LRP5: variants seen among roughly 807,000 people sequenced by gnomAD.
The protein encoded by LRP5 is LDL receptor related protein 5.
Under a neutral mutation model 154.1 loss-of-function variants are expected in LRP5, and 62 were observed. That is an observed-to-expected ratio of 0.40 (90% CI 0.33 to 0.50). The LOEUF is 0.50. Ranked by LOEUF, LRP5 falls within the 20% of genes least tolerant of loss-of-function variation. The probability of loss-of-function intolerance (pLI) is 0.55; values close to 1 mark genes in which losing one functional copy is unlikely to be tolerated. For synonymous variants in LRP5, 966 were observed against 1,011.5 expected, an observed-to-expected ratio of 0.96 and a Z score of 0.85; for missense variants, 1,915 against 2,336.7, an observed-to-expected ratio of 0.82 and a Z score of 3.72.
chr11:68,403,940 G>A, intron 8 of LRP5: 1 of 590,814 alleles, frequency 1.7e-6, no homozygotes, highest in Non-Finnish European at 3.0e-6. Context: ...AACATTTGTT[G>A]AGCACCTGCT....
chr11:68,333,657 T>C (rs185568317), intron 1 of LRP5, among the ~76,000 whole-genome samples: 3 of 152,342 alleles, frequency 2.0e-5, no homozygotes, highest in Admixed American at 6.5e-5. Context: ...TGTTGCAGAC[T>C]CCGTTATAGT....
intron 1 of LRP5, among the ~76,000 whole-genome samples, chr11:68,325,363 C>G (rs1238265893): frequency 6.6e-6 from 1 of 152,160 alleles, no homozygotes; most frequent in Non-Finnish European, 1.5e-5. Context: ...GAGGGATGCA[C>G]TCAGTCGAAG....
At chr11:68,332,404 A>C (rs1565322700) in intron 1 of LRP5, among the ~76,000 whole-genome samples, 1 of 152,206 alleles carries the variant, frequency 6.6e-6, no homozygotes, top group Non-Finnish European at 1.5e-5. Context: ...CTCTGCAGGC[A>C]GCCCTGCTCT....
chr11:68,382,601 G>A (rs2098640855), intron 5 of LRP5, among the ~76,000 whole-genome samples: 1 of 152,210 alleles, frequency 6.6e-6, no homozygotes, highest in Non-Finnish European at 1.5e-5. Context: ...TTCCCTAGCA[G>A]CGGGTCCAGG....
At chr11:68,341,887 T>C (rs1438295879) in intron 1 of LRP5, among the ~76,000 whole-genome samples, 1 of 152,174 alleles carries the variant, frequency 6.6e-6, no homozygotes, top group Non-Finnish European at 1.5e-5. Flanking sequence ...GCTTGTTTAT[T>C]ACCACCCACG....
At chr11:68,424,816 A>G (rs756520853) in intron 14 of LRP5, among the ~76,000 whole-genome samples, 18 of 152,216 alleles carry the variant, frequency 1.2e-4, no homozygotes, top group Admixed American at 1.2e-3. Flanking sequence ...GTACCATTGA[A>G]GGACACTTCA....
intron 5 of LRP5, among the ~76,000 whole-genome samples, chr11:68,377,464 C>A (rs1358696282): frequency 9.2e-5 from 14 of 152,224 alleles, no homozygotes; most frequent in Admixed American, 9.2e-4. Context: ...GCAGAGCCAG[C>A]ATCGGGCCCA....
In LRP5 at chr11:68,363,921, G is replaced by T; in HGVS notation, c.861G>T (p.Leu287=). 1 of 1,611,304 alleles carries T rather than the reference G, an allele frequency of 6.2e-7. No homozygotes were observed. The highest frequency in any genetic ancestry group is 2.2e-5 in the East Asian group (1 of 44,730). The change falls in exon 4 of 23, where the codon CTG becomes CTT. Residue 287 remains leucine (L), a synonymous_variant. Coordinates refer to ENST00000294304, the MANE Select transcript of LRP5 (RefSeq NM_002335.4). ...ALYSPMDIQV[L]SQERQPFFHT... is the part of the protein sequence containing the mutation. Reference sequence around the variant, plus strand: ...ACTCACCCATGGACATCCAGGTGCTGAGCCAGGAGCGGCAGCCTTTCTGTG... The same window carrying T: ...ACTCACCCATGGACATCCAGGTGCTTAGCCAGGAGCGGCAGCCTTTCTGTG...
At chr11:68,384,823 G>C (rs1159866359) in intron 5 of LRP5, among the ~76,000 whole-genome samples, 3 of 152,318 alleles carry the variant, frequency 2.0e-5, no homozygotes, top group Admixed American at 1.3e-4. Flanking sequence ...ATGGCTGAAA[G>C]GTTGGGGGGT....
At chr11:68,303,660 AT>A in the LRP5 span, among the ~76,000 whole-genome samples, 1 of 151,966 alleles carries the variant, frequency 6.6e-6, no homozygotes, top group Non-Finnish European at 1.5e-5. Flanking sequence ...CACCAAGCTA[AT>A]TTTTTTGTAT....
At chr11:68,404,058 C>CA in intron 8 of LRP5, 1 of 443,120 alleles carries the variant, frequency 2.3e-6, no homozygotes, top group Non-Finnish European at 4.2e-6. Flanking sequence ...CCGTGCAACT[C>CA]ACAGGTGCCA....
upstream of LRP5, among the ~76,000 whole-genome samples, chr11:68,307,984 C>A (rs2098584924): frequency 1.3e-5 from 2 of 152,236 alleles, no homozygotes; most frequent in South Asian, 4.1e-4. Flanking sequence ...GTCCTTCACA[C>A]CCCAGCTGGC....
At chr11:68,395,161 C>T (rs762189955) in intron 7 of LRP5, among the ~76,000 whole-genome samples, 4 of 152,100 alleles carry the variant, frequency 2.6e-5, no homozygotes, top group East Asian at 3.9e-4. Context: ...ATTAGCCAGG[C>T]GTGATGGTGC....
intron 2 of LRP5, among the ~76,000 whole-genome samples, chr11:68,352,035 C>T (rs1565338550): frequency 2.0e-5 from 3 of 152,026 alleles, no homozygotes; most frequent in African/African-American, 7.3e-5. Context: ...CATGAGGTCT[C>T]GAGCAGAGGA....
chr11:68,312,961 C>T (rs1422783072), intron 1 of LRP5, among the ~76,000 whole-genome samples, 156 bp downstream of exon 1: 10 of 147,860 alleles, frequency 6.8e-5, no homozygotes, highest in Non-Finnish European at 1.1e-4. Context: ...CTGCCGTCCC[C>T]GGCGTCCCCG....
intron 1 of LRP5, among the ~76,000 whole-genome samples, chr11:68,343,351 G>A (rs975303881): frequency 6.6e-6 from 1 of 152,168 alleles, no homozygotes; most frequent in Non-Finnish European, 1.5e-5. Flanking sequence ...GGGCCTGGGC[G>A]ACAGCACTGT....
chr11:68,432,319 G>A lies in LRP5; in HGVS notation c.3764-1283G>A, dbSNP rs146984779. On this transcript the variant is annotated intron_variant, in intron 17 of 22. Coordinates refer to ENST00000294304, the MANE Select transcript of LRP5 (RefSeq NM_002335.4). ...ATGTCGCCCTCAACCTCCAGCCACC[G>A]GTCCTCCGTGTCCCCCATGGCCAGG... 4.0e-4 allele frequency among the ~76,000 whole-genome samples: 61 copies of A among 152,320 alleles called. No individual in the cohort carries two copies. The East Asian group carries it at 9.5e-3, about 24-fold the overall frequency.
chr11:68,377,007 G>A (rs1165495901), intron 5 of LRP5, among the ~76,000 whole-genome samples: 2 of 152,304 alleles, frequency 1.3e-5, no homozygotes, highest in South Asian at 2.1e-4. Flanking sequence ...GAGGGCTGGC[G>A]CGGTGGCTCA....
rs1421269932 is a variant in LRP5 at position 68,363,954 on chromosome 11, G to A, written c.883+11G>A. On this transcript the variant is annotated intron_variant, in intron 4 of 22. Coordinates refer to ENST00000294304, the MANE Select transcript of LRP5 (RefSeq NM_002335.4). Reference sequence around the variant, plus strand: ...AGCGGCAGCCTTTCTGTGAGTGCCGGCTGGGGCGCGGGGGCGAGGGTGCGG... The same window carrying A: ...AGCGGCAGCCTTTCTGTGAGTGCCGACTGGGGCGCGGGGGCGAGGGTGCGG... The A allele has an allele frequency of 2.5e-6, 4 of 1,601,248 alleles. No homozygotes were observed. Among genetic ancestry groups the A allele is most frequent in the Non-Finnish European group, 3.4e-6 (4 of 1,174,096 alleles).
Sources: allele counts gnomAD v4.1 joint callset (sites outside exome capture counted in the v4.1 genomes callset), GRCh38; gene constraint gnomAD v4.1.1; transcripts MANE v1.5; gene names NCBI Gene and HGNC (gene_info 2026-07-23, HGNC 2026-07-21).